The following SERINC5 variants were observed in gnomAD, a reference collection of about 807,000 sequenced individuals.
SERINC5 encodes serine incorporator 5, also known as chromosome 5 open reading frame 12.
In SERINC5, 41 loss-of-function variants were observed where a neutral mutation model predicts 63.1. That is an observed-to-expected ratio of 0.65 (90% CI 0.51 to 0.84). SERINC5 has a LOEUF of 0.84. Among genes scored for constraint, SERINC5 ranks in the 40% least tolerant of loss-of-function variants. The pLI is 0.00. For synonymous variants in SERINC5, 222 were observed against 215.2 expected (o/e 1.03, Z -0.28); for missense variants, 523 against 573.0 (o/e 0.91, Z 0.89).
intron 2 of SERINC5, among the ~76,000 whole-genome samples, chr5:80,192,645 C>T (rs186119219): frequency 1.3e-5 from 2 of 152,284 alleles, no homozygotes; most frequent in East Asian, 3.9e-4. Flanking sequence ...AAACCCCACA[C>T]TGATGAAAGC....
At chr5:80,227,069 T>C (rs1751203177) in intron 1 of SERINC5, among the ~76,000 whole-genome samples, 1 of 152,086 alleles carries the variant, frequency 6.6e-6, no homozygotes, top group South Asian at 2.1e-4. Flanking sequence ...CTAATTTTTG[T>C]ATTTTTTGTA....
At chr5:80,254,327 C>T (rs1166933429) in intron 1 of SERINC5, among the ~76,000 whole-genome samples, 1 of 152,192 alleles carries the variant, frequency 6.6e-6, no homozygotes, top group African/African-American at 2.4e-5. Flanking sequence ...CTCCAGCAGG[C>T]CTGGGAAAGC....
intron 1 of SERINC5, among the ~76,000 whole-genome samples, chr5:80,211,465 T>C (rs988233519): frequency 6.6e-6 from 1 of 152,200 alleles, no homozygotes; most frequent in Non-Finnish European, 1.5e-5. Flanking sequence ...TATGCCTCTA[T>C]CATCTATAAC....
intron 7 of SERINC5, 140 bp from the exon 8 acceptor site, chr5:80,159,102 T>G (rs1746723445): frequency 1.3e-6 from 1 of 782,182 alleles, no homozygotes; most frequent in South Asian, 1.7e-5. Flanking sequence ...AAACTTCTAC[T>G]CTACAGGCTG....
intron 2 of SERINC5, among the ~76,000 whole-genome samples, chr5:80,189,006 G>GT (rs1332557448): frequency 6.6e-6 from 1 of 152,054 alleles, no homozygotes; most frequent in Non-Finnish European, 1.5e-5. Context: ...TAGGCATTTA[G>GT]TTTTTTTCTG....
rs1203314175 is a variant in SERINC5 at position 80,165,212 on chromosome 5, T to C, written c.859+1171A>G. ...AGATAGAGTATTTAAAAAAAAAACT[T>C]AAATCCAGGTTAGGCAATAGTTACT... On this transcript the variant is annotated intron_variant, in intron 7 of 11. Coordinates refer to ENST00000507668, the MANE Select transcript of SERINC5 (RefSeq NM_001174072.3). Among the ~76,000 whole-genome samples the C allele has an allele frequency of 3.3e-5, 5 of 152,206 alleles. No homozygotes were observed. In the East Asian group the frequency reaches 9.6e-4, roughly 29 times the overall value.
At chr5:80,222,368 T>C (rs966244689) in intron 1 of SERINC5, among the ~76,000 whole-genome samples, 22 of 152,252 alleles carry the variant, frequency 1.4e-4, no homozygotes, top group Middle Eastern at 3.4e-3. Flanking sequence ...CATTATCTCC[T>C]GTTATTACCT....
At chr5:80,195,515 C>T (rs925009108) in intron 2 of SERINC5, among the ~76,000 whole-genome samples, 2 of 152,166 alleles carry the variant, frequency 1.3e-5, no homozygotes, top group African/African-American at 4.8e-5. Context: ...TTTTTCCACT[C>T]ATCTCTTTAA....
intron 2 of SERINC5, among the ~76,000 whole-genome samples, chr5:80,179,541 C>A (rs1012621762): frequency 6.6e-6 from 1 of 152,178 alleles, no homozygotes; most frequent in African/African-American, 2.4e-5. Context: ...TGCCTCACTG[C>A]ACCTGTGCCA....
chr5:80,214,984 T>TA (rs1342748897), intron 1 of SERINC5, among the ~76,000 whole-genome samples: 2 of 152,196 alleles, frequency 1.3e-5, no homozygotes, highest in African/African-American at 4.8e-5. Flanking sequence ...TAAAACTTTA[T>TA]AGAGTTTAAC....
downstream of SERINC5, among the ~76,000 whole-genome samples, chr5:80,135,434 G>C (rs996318266): frequency 3.3e-5 from 5 of 152,176 alleles, no homozygotes; most frequent in African/African-American, 1.2e-4. Context: ...CACAGGGATG[G>C]CTCTGTGGGT....
At chr5:80,123,612 A>G (rs538124420) in intron 11 of SERINC5, among the ~76,000 whole-genome samples, 2 of 152,274 alleles carry the variant, frequency 1.3e-5, no homozygotes, top group East Asian at 3.9e-4. Flanking sequence ...TTGAACAGAG[A>G]TGATCCAGCT....
intron 7 of SERINC5, among the ~76,000 whole-genome samples, chr5:80,165,556 G>T (rs893173060): frequency 2.6e-5 from 4 of 152,174 alleles, no homozygotes; most frequent in African/African-American, 9.7e-5. Flanking sequence ...AGCAGGATCA[G>T]TCTATAAACC....
intron 1 of SERINC5, among the ~76,000 whole-genome samples, chr5:80,247,111 A>G (rs1752201553): frequency 6.6e-6 from 1 of 152,234 alleles, no homozygotes; most frequent in Non-Finnish European, 1.5e-5. Flanking sequence ...AAAGAATTAC[A>G]TCCAATGGCT....
At chr5:80,193,966 C>T (rs1408696904) in intron 2 of SERINC5, among the ~76,000 whole-genome samples, 1 of 152,120 alleles carries the variant, frequency 6.6e-6, no homozygotes, top group Non-Finnish European at 1.5e-5. Flanking sequence ...AGCCAGCTCC[C>T]CAGAGGAAAA....
At chr5:80,196,925 G>A (rs866398627) in intron 2 of SERINC5, among the ~76,000 whole-genome samples, 2 of 152,136 alleles carry the variant, frequency 1.3e-5, no homozygotes, top group Non-Finnish European at 2.9e-5. Flanking sequence ...GGGTAACAGA[G>A]TGAAACTCCA....
intron 2 of SERINC5, among the ~76,000 whole-genome samples, chr5:80,183,701 C>G (rs1182050790): frequency 6.6e-6 from 1 of 152,078 alleles, no homozygotes; most frequent in East Asian, 1.9e-4. Context: ...CCTTGTGACC[C>G]CCGCCCCTGC....
rs183715441 is a variant in SERINC5, at chr5:80,154,602, C to T, written c.987-3654G>A. ...GGAAGATACAAATTTCCCCACCCCC[C>T]CATAAAGGCCCAGAATGTACCAAAA... On this transcript the variant is annotated intron_variant, in intron 8 of 11. Transcript: ENST00000507668. Among the ~76,000 whole-genome samples the T allele has an allele frequency of 2.1e-3, 324 of 152,134 alleles. 2 individuals carry two copies. Among genetic ancestry groups the T allele is most frequent in the African/African-American group, 7.2e-3 (297 of 41,506 alleles).
At chr5:80,178,150 T>A in intron 2 of SERINC5, 86 bp from the exon 3 acceptor site, 1 of 743,108 alleles carries the variant, frequency 1.3e-6, no homozygotes, top group Non-Finnish European at 2.2e-6. Flanking sequence ...AACCACAACA[T>A]CCACTGTGGA....
Sources: allele counts gnomAD v4.1 joint callset (sites outside exome capture counted in the v4.1 genomes callset), GRCh38; gene constraint gnomAD v4.1.1; transcripts MANE v1.5; gene names NCBI Gene and HGNC (gene_info 2026-07-23, HGNC 2026-07-21).